The following EBF1 variants were observed in gnomAD, a reference collection of about 807,000 sequenced individuals.
EBF1 encodes the protein transcription factor COE1.
Under a neutral mutation model 68.4 loss-of-function variants are expected in EBF1, and 10 were observed. The observed-to-expected ratio is 0.15, with a 90% CI of 0.09 to 0.25. The LOEUF is 0.25. EBF1 is among the 10% of genes least tolerant of loss of function. The pLI is 1.00. For synonymous variants in EBF1, 298 were observed against 299.8 expected (o/e 0.99, Z 0.06); for missense variants, 509 against 794.4 (o/e 0.64, Z 4.32).
rs1478686525 is a variant in EBF1 at position 159,002,173 on chromosome 5, T to C, written c.554+71223A>G. Among the ~76,000 whole-genome samples the C allele has an allele frequency of 8.8e-5, 13 of 147,004 alleles. No individual in the cohort carries two copies. In the East Asian group the frequency reaches 2.5e-3, roughly 29 times the overall value. ...CCCCCAAGCCTTTTTTTTTTTTTTT[T>C]CATTTTCCATTTACTCTTCAAGTCC... is the stretch of plus-strand genomic sequence containing the variant. On this transcript the variant is annotated intron_variant, in intron 6 of 15. Coordinates refer to ENST00000313708, the MANE Select transcript of EBF1 (RefSeq NM_024007.5).
In EBF1 at chr5:158,698,287, G is replaced by A. The variant is rs1271967329; in HGVS notation, c.*824C>T. ...ACAGTATGTGTGCCACCAAGCTCTCGAGAGGCCATCGGCTTCAGAAGAAAC... is the reference window on the plus strand; with the variant it reads ...ACAGTATGTGTGCCACCAAGCTCTCAAGAGGCCATCGGCTTCAGAAGAAAC... On this transcript the variant is annotated 3_prime_UTR_variant, in exon 16 of 16. Coordinates refer to ENST00000313708, the MANE Select transcript of EBF1 (RefSeq NM_024007.5). The A allele has an allele frequency of 1.8e-5, 4 of 221,872 alleles. No individual in the cohort carries two copies. The highest frequency in any genetic ancestry group is 9.0e-5 in the African/African-American group (4 of 44,648). 13.7% of individuals were successfully genotyped at this position (221,872 alleles called of 1,614,324 possible). A position where few individuals can be genotyped will look rare whatever the true frequency, so the allele number is the denominator to read the frequency against.
chr5:158,729,977 G>A (rs1763758308), intron 11 of EBF1, among the ~76,000 whole-genome samples: 1 of 152,180 alleles, frequency 6.6e-6, no homozygotes, highest in Non-Finnish European at 1.5e-5. Context: ...CCAGCACACG[G>A]GTAGGATTTG....
At chr5:158,836,924 C>T (rs1788945988) in intron 7 of EBF1, among the ~76,000 whole-genome samples, 1 of 152,160 alleles carries the variant, frequency 6.6e-6, no homozygotes, top group Non-Finnish European at 1.5e-5. Context: ...ATTTGAGAAT[C>T]ACAGGCAAGA....
At chr5:159,008,524 CT>C (rs372441248) in intron 6 of EBF1, among the ~76,000 whole-genome samples, 9,906 of 138,158 alleles carry the variant, frequency 0.072, 392 homozygotes, top group Non-Finnish European at 0.097. Flanking sequence ...TTTTTCTTTT[CT>C]TTTTTTTTTT....
intron 11 of EBF1, among the ~76,000 whole-genome samples, chr5:158,714,784 C>A (rs1760268154): frequency 6.6e-6 from 1 of 152,142 alleles, no homozygotes; most frequent in African/African-American, 2.4e-5. Context: ...CCCTCTGCAC[C>A]AATTTTCATT....
chr5:158,748,676 C>A (rs1319554108), intron 10 of EBF1, among the ~76,000 whole-genome samples: 1 of 152,158 alleles, frequency 6.6e-6, no homozygotes, highest in East Asian at 1.9e-4. Context: ...ATCTTCACAA[C>A]CAAACGAGCG....
At chr5:158,900,163 G>A (rs1209356070) in intron 6 of EBF1, among the ~76,000 whole-genome samples, 1 of 152,188 alleles carries the variant, frequency 6.6e-6, no homozygotes, top group Non-Finnish European at 1.5e-5. Flanking sequence ...AGAAGAATTG[G>A]CACGTTCTTA....
At chr5:159,093,929 T>C (rs1782079417) in intron 4 of EBF1, among the ~76,000 whole-genome samples, 1 of 151,444 alleles carries the variant, frequency 6.6e-6, no homozygotes, top group South Asian at 2.1e-4. Context: ...TTTTATCTTT[T>C]AGAAAGTAAA....
At chr5:158,795,638 G>A (rs1044532231) in intron 9 of EBF1, among the ~76,000 whole-genome samples, 3 of 152,160 alleles carry the variant, frequency 2.0e-5, no homozygotes, top group African/African-American at 7.2e-5. Context: ...GATTTGCCAC[G>A]GCATCTATAT....
At chr5:159,094,753 A>G (rs898177303) in intron 4 of EBF1, among the ~76,000 whole-genome samples, 1 of 152,096 alleles carries the variant, frequency 6.6e-6, no homozygotes, top group Admixed American at 6.5e-5. Flanking sequence ...CCCCCACCCA[A>G]TAAAGCTGTC....
chr5:158,982,634 T>G (rs542877376), intron 6 of EBF1, among the ~76,000 whole-genome samples: 1 of 152,324 alleles, frequency 6.6e-6, no homozygotes, highest in South Asian at 2.1e-4. Flanking sequence ...AGTCTAATTC[T>G]TTTTGCTTTA....
intron 6 of EBF1, among the ~76,000 whole-genome samples, chr5:158,952,536 G>C (rs565870944): frequency 7.2e-5 from 11 of 152,266 alleles, no homozygotes; most frequent in Admixed American, 1.3e-4. Flanking sequence ...CAAAGGTATT[G>C]TGCAATTAGC....
intron 6 of EBF1, among the ~76,000 whole-genome samples, chr5:158,926,590 G>A (rs1436843619): frequency 2.0e-5 from 3 of 151,822 alleles, no homozygotes; most frequent in Non-Finnish European, 2.9e-5. Context: ...CAGGCATGGT[G>A]GCACACACCT....
intron 4 of EBF1, 99 bp downstream of exon 4, chr5:159,095,515 TTTAGAG>T (rs1270777642): frequency 3.7e-6 from 5 of 1,368,014 alleles, no homozygotes; most frequent in Non-Finnish European, 5.1e-6. Flanking sequence ...CCCGCTGGCT[TTTAGAG>T]TTAGAGTCCC....
At chr5:158,733,607 CATT>C (rs1293380616) in intron 10 of EBF1, among the ~76,000 whole-genome samples, 2 of 152,126 alleles carry the variant, frequency 1.3e-5, no homozygotes, top group African/African-American at 2.4e-5. Context: ...ATATTAAACT[CATT>C]ATTCAAAGAA....
chr5:158,982,994 G>T (rs866598670), intron 6 of EBF1: 3 of 152,100 alleles, frequency 2.0e-5, no homozygotes, highest in Middle Eastern at 3.2e-3. Flanking sequence ...CTGGCACCAG[G>T]CTCCACCTGC....
chr5:158,844,840 C>T (rs145628782), intron 6 of EBF1, among the ~76,000 whole-genome samples: 28 of 152,282 alleles, frequency 1.8e-4, no homozygotes, highest in East Asian at 1.4e-3. Context: ...TAGCCCATCA[C>T]GGAACTAACT....
intron 6 of EBF1, among the ~76,000 whole-genome samples, chr5:159,042,443 C>T (rs1771395273): frequency 6.6e-6 from 1 of 152,132 alleles, no homozygotes; most frequent in Admixed American, 6.6e-5. Context: ...AAAAGCTGAC[C>T]CTATTTCAGT....
chr5:158,796,519 G>A, intron 8 of EBF1, 44 bp from the exon 9 acceptor site: 2 of 1,545,714 alleles, frequency 1.3e-6, no homozygotes, highest in South Asian at 1.3e-5. Context: ...TCTGCTGTTA[G>A]AACCAAACTT....
Sources: allele counts gnomAD v4.1 joint callset (sites outside exome capture counted in the v4.1 genomes callset), GRCh38; gene constraint gnomAD v4.1.1; transcripts MANE v1.5; gene names NCBI Gene and HGNC (gene_info 2026-07-23, HGNC 2026-07-21).